The following MON2 variants were observed in gnomAD, a reference collection of about 807,000 sequenced individuals.
MON2 encodes MON2 regulator of endosome-to-Golgi trafficking.
A neutral mutation model predicts 208.6 loss-of-function variants in MON2; 84 were observed. That is an observed-to-expected ratio of 0.40 (90% CI 0.34 to 0.48). MON2 has a LOEUF of 0.48. Among genes scored for constraint, MON2 ranks in the 20% least tolerant of loss-of-function variants. The probability of loss-of-function intolerance (pLI) is 0.59; values close to 1 mark genes in which losing one functional copy is unlikely to be tolerated. For synonymous variants in MON2, 660 were observed against 694.0 expected (o/e 0.95, Z 0.77); for missense variants, 1,611 against 2,015.4 (o/e 0.80, Z 3.84).
At chr12:62,569,793 G>A (rs2074518568) in intron 29 of MON2, among the ~76,000 whole-genome samples, 1 of 152,160 alleles carries the variant, frequency 6.6e-6, no homozygotes, top group South Asian at 2.1e-4. Flanking sequence ...GGAGGTGGAA[G>A]GAGGGGAAGG....
intron 6 of MON2, among the ~76,000 whole-genome samples, chr12:62,501,134 A>G (rs1050447419): frequency 7.9e-5 from 12 of 152,180 alleles, no homozygotes; most frequent in Non-Finnish European, 1.3e-4. Context: ...ACAACTAGTC[A>G]TACAAAAAAA....
intron 32 of MON2, 108 bp downstream of exon 32, chr12:62,580,528 A>G: frequency 1.1e-6 from 1 of 926,102 alleles, no homozygotes; most frequent in East Asian, 2.6e-5. Flanking sequence ...GAGAATGGTA[A>G]GGTGATTTTT....
intron 2 of MON2, among the ~76,000 whole-genome samples, chr12:62,493,281 TAA>T (rs1250216466): frequency 3.3e-5 from 5 of 152,208 alleles, no homozygotes; most frequent in African/African-American, 1.2e-4. Flanking sequence ...TATTGCCACT[TAA>T]AAACTTCTGA....
chr12:62,467,391 A>G, intron 1 of MON2, 73 bp downstream of exon 1: 2 of 1,228,170 alleles, frequency 1.6e-6, no homozygotes, highest in Admixed American at 1.8e-5. Context: ...GCTTCACCCC[A>G]GTTTCCAGTC....
chr12:62,523,638 C>T (rs892341149), intron 8 of MON2, among the ~76,000 whole-genome samples: 1 of 152,116 alleles, frequency 6.6e-6, no homozygotes, highest in African/African-American at 2.4e-5. Context: ...AGCCTGAGGG[C>T]TACTATATTT....
intron 30 of MON2, among the ~76,000 whole-genome samples, chr12:62,575,173 A>G (rs554911094): frequency 2.0e-5 from 3 of 152,336 alleles, no homozygotes; most frequent in African/African-American, 7.2e-5. Context: ...GTAAAGGTCC[A>G]TGAATGTTTA....
In MON2 at chr12:62,508,272, T is replaced by C; in HGVS notation, c.790-14T>C. 1 of 1,595,788 alleles carries C rather than the reference T, an allele frequency of 6.3e-7. No individual in the cohort carries two copies. The highest frequency in any genetic ancestry group is 1.7e-5 in the Admixed American group (1 of 57,420). ...AGTTAATTATTTTTTTCTTTCTTTT[T>C]TCCTTGCAAATAGCACCAAGAATTT... On this transcript the variant is annotated splice_polypyrimidine_tract_variant and intron_variant, in intron 7 of 34. Transcript: ENST00000393630.
At chr12:62,508,135 A>G in intron 7 of MON2, 151 bp from the exon 8 acceptor site, 2 of 645,770 alleles carry the variant, frequency 3.1e-6, no homozygotes, top group South Asian at 2.1e-5. Context: ...TGCGTAAACT[A>G]TAAAATAATA....
At chr12:62,516,494 C>T (rs1039088852) in intron 8 of MON2, among the ~76,000 whole-genome samples, 8 of 152,068 alleles carry the variant, frequency 5.3e-5, no homozygotes, top group Non-Finnish European at 7.4e-5. Flanking sequence ...CACATGAGGT[C>T]GGGAGTTCAA....
rs1222736301 is a variant in MON2 at position 62,467,084 on chromosome 12, G to A, written c.-124G>A. On this transcript the variant is annotated 5_prime_UTR_variant, in exon 1 of 35. Transcript: ENST00000393630. The stretch of plus-strand genomic sequence containing the variant: ...AGCAGGCTCCGGGTTCGCAGCCCAG[G>A]GCCCAAGAAGCGGGCTGCTGAAGGA... The A allele has an allele frequency of 5.4e-6, 4 of 744,058 alleles. No individual in the cohort carries two copies. The East Asian group carries it at 7.8e-5, about 15-fold the overall frequency. 46.1% of individuals were successfully genotyped at this position (744,058 alleles called of 1,614,324 possible).
chr12:62,535,802 T>C, intron 14 of MON2, 93 bp downstream of exon 14: 1 of 935,596 alleles, frequency 1.1e-6, no homozygotes, highest in Non-Finnish European at 1.5e-6. Context: ...TCTCTGCTTT[T>C]TCACATACTG....
intron 32 of MON2, among the ~76,000 whole-genome samples, 184 bp from the exon 33 acceptor site, chr12:62,585,095 ACACACACACACACAC>A (rs1303388644): frequency 0.019 from 2,012 of 104,734 alleles, 109 homozygotes; most frequent in African/African-American, 0.07. Flanking sequence ...ACACACACAC[ACACACACACACACAC>A]AAAACAAAAA....
chr12:62,536,600 C>G (rs2136235189), intron 14 of MON2, among the ~76,000 whole-genome samples: 1 of 151,968 alleles, frequency 6.6e-6, no homozygotes, highest in Non-Finnish European at 1.5e-5. Flanking sequence ...AGAAATCTAC[C>G]AAAGTTATAT....
chr12:62,565,164 C>T, intron 26 of MON2, 73 bp from the exon 27 acceptor site: 1 of 1,423,632 alleles, frequency 7.0e-7, no homozygotes, highest in Non-Finnish European at 9.7e-7. Context: ...TGTGGTTAAA[C>T]AAATATATAC....
At chr12:62,550,732 C>T (rs930948250) in intron 23 of MON2, among the ~76,000 whole-genome samples, 3 of 152,060 alleles carry the variant, frequency 2.0e-5, no homozygotes, top group African/African-American at 7.2e-5. Flanking sequence ...TAGCTTCAGA[C>T]TTTTCTTCTG....
intron 19 of MON2, among the ~76,000 whole-genome samples, chr12:62,538,756 AAT>A (rs1383832182): frequency 1.8e-4 from 28 of 152,206 alleles, no homozygotes; most frequent in Admixed American, 7.2e-4. Context: ...ACATTTTAAA[AAT>A]ATTTTTATAA....
intron 22 of MON2, among the ~76,000 whole-genome samples, chr12:62,549,187 T>A (rs1484794113): frequency 6.6e-6 from 1 of 152,180 alleles, no homozygotes; most frequent in East Asian, 1.9e-4. Flanking sequence ...TTAATTTGTT[T>A]AAGTAAGCAT....
At chr12:62,541,310 G>A (rs1035683373) in intron 19 of MON2, among the ~76,000 whole-genome samples, 1 of 151,240 alleles carries the variant, frequency 6.6e-6, no homozygotes, top group East Asian at 1.9e-4. Flanking sequence ...GGGAGGTGGA[G>A]GTTGCTGTGA....
At chr12:62,472,238 T>C (rs1055356647) in intron 1 of MON2, among the ~76,000 whole-genome samples, 1 of 151,740 alleles carries the variant, frequency 6.6e-6, no homozygotes, top group African/African-American at 2.4e-5. Flanking sequence ...AGCAGTGGGG[T>C]TGGGGAGTGA....
Sources: gnomAD v4.1 joint callset for allele counts (sites outside exome capture counted in the v4.1 genomes callset) on GRCh38, gnomAD v4.1.1 for gene constraint, MANE v1.5 for transcripts, NCBI Gene and HGNC (gene_info 2026-07-23, HGNC 2026-07-21) for gene names.